Variants in MYO1F observed in about 807,000 individuals in gnomAD.
MYO1F encodes myosin IF, also known as unconventional myosin-If.
A neutral mutation model predicts 146.6 loss-of-function variants in MYO1F; 60 were observed. The ratio of observed to expected loss-of-function variants is 0.41; its 90% CI spans 0.33 to 0.51. MYO1F has a LOEUF of 0.51. MYO1F is among the 20% of genes least tolerant of loss of function. The pLI is 0.25. For missense variants in MYO1F, 1,274 were observed against 1,534.3 expected (o/e 0.83, Z 2.83); for synonymous variants, 602 against 602.1 (o/e 1.00, Z 0.00).
intron 1 of MYO1F, among the ~76,000 whole-genome samples, chr19:8,565,900 G>A (rs1462567259): frequency 6.6e-6 from 1 of 151,688 alleles, no homozygotes; most frequent in African/African-American, 2.4e-5. Context: ...ACCAGCCTGG[G>A]CAACATAGTG....
chr19:8,550,384 T>G (rs2303686), intron 9 of MYO1F, 28 bp from the exon 10 acceptor site: 1 of 1,598,322 alleles, frequency 6.3e-7, no homozygotes, highest in South Asian at 1.1e-5. Context: ...AGGGCAAAAA[T>G]GGGACAGTTG....
rs1973764744 is a variant in MYO1F, at chr19:8,554,584, G to A, written c.232-13C>T. On this transcript the variant is annotated splice_polypyrimidine_tract_variant and intron_variant, in intron 3 of 27. Transcript: ENST00000644032. ...TCTCATACTGGGCCTGGCAGGGGAGGTCAGGTCTCAGCCCAGGGCTGGGGG... is the reference window on the plus strand; with the variant it reads ...TCTCATACTGGGCCTGGCAGGGGAGATCAGGTCTCAGCCCAGGGCTGGGGG... 2.5e-6 allele frequency: 4 copies of A among 1,611,966 alleles called. No homozygotes were observed. The highest frequency in any genetic ancestry group is 3.4e-6 in the Non-Finnish European group (4 of 1,178,202).
chr19:8,574,530 C>CCTTTCTTTCTTT lies in MYO1F; in HGVS notation c.3+2765_3+2776dup, dbSNP rs1183292416. 1.9e-3 allele frequency among the ~76,000 whole-genome samples: 231 copies of CCTTTCTTTCTTT among 119,030 alleles called. 3 individuals are homozygous for CCTTTCTTTCTTT. Among genetic ancestry groups the CCTTTCTTTCTTT allele is most frequent in the East Asian group, 4.0e-3 (17 of 4,208 alleles). The allele number at this position is 119,030 out of a possible 152,430, so 78.1% of individuals were successfully genotyped here. ...CTTTTCCTTTATTTCTTCTTTTTTC[C>CCTTTCTTTCTTT]CTTTCTTTCTTTCTTTCTTTCTTTC... On this transcript the variant is annotated intron_variant, in intron 1 of 27. Transcript: ENST00000644032.
intron 1 of MYO1F, among the ~76,000 whole-genome samples, chr19:8,557,519 T>C (rs945916608): frequency 6.6e-6 from 1 of 152,050 alleles, no homozygotes; most frequent in East Asian, 1.9e-4. Context: ...CCCTGGCTGG[T>C]CTTGAACTCC....
intron 1 of MYO1F, among the ~76,000 whole-genome samples, chr19:8,566,835 A>G (rs1052589274): frequency 3.2e-4 from 49 of 151,432 alleles, no homozygotes; most frequent in Non-Finnish European, 5.0e-4. Flanking sequence ...TAATATATAT[A>G]TTAAATAATA....
Position 8,550,280 on chromosome 19 carries a change from G to C in MYO1F, c.981C>G (p.Asp327Glu). ...LQEKLTSRKM[D>E]SRWGGRSESI... ...ACTCGCTGCGCCCGCCCCAGCGGCT[G>C]TCCATCTTGCGGCTGGTCAGCTTCT... The change falls in exon 10 of 28, where the codon GAC (aspartate) becomes GAG (glutamate). Residue 327 changes from aspartate (D) to glutamate (E), a missense_variant. Asp to Glu is a conservative substitution (Grantham distance 45). Around this residue, in one of 2 missense-constraint regions of MYO1F, gnomAD observed 900 missense variants for 1,155.1 expected, o/e 0.78. Coordinates refer to ENST00000644032, the MANE Select transcript of MYO1F (RefSeq NM_012335.4). The C allele has an allele frequency of 2.5e-6, 4 of 1,614,202 alleles. No homozygotes were observed. The highest frequency in any genetic ancestry group is 2.5e-6 in the Non-Finnish European group (3 of 1,180,052).
At chr19:8,543,897 CTGG>C (rs1203381495) in intron 14 of MYO1F, among the ~76,000 whole-genome samples, 244 of 10,984 alleles carry the variant, frequency 0.022, 8 homozygotes, top group Non-Finnish European at 0.023. Context: ...GGTGGTGGTG[CTGG>C]TGGTGGTGGT....
chr19:8,552,407 C>T (rs904712829), intron 6 of MYO1F, among the ~76,000 whole-genome samples: 18 of 152,020 alleles, frequency 1.2e-4, no homozygotes, highest in African/African-American at 2.7e-4. Context: ...TACAGGCACC[C>T]GCCACCATGC....
rs1468854004 is a variant in MYO1F, at chr19:8,543,754, T to C, written c.1524+543A>G. On this transcript the variant is annotated intron_variant, in intron 14 of 27. Coordinates refer to ENST00000644032, the MANE Select transcript of MYO1F (RefSeq NM_012335.4). Reference sequence around the variant, plus strand: ...GTGGTGCTGGTGGTGCTGGTGGTGGTGGTGGTGGTGGTGCTGGTGGTGCTG... The same window carrying C: ...GTGGTGCTGGTGGTGCTGGTGGTGGCGGTGGTGGTGGTGCTGGTGGTGCTG... Among the ~76,000 whole-genome samples, 5 of 9,424 alleles carry C rather than the reference T, an allele frequency of 5.3e-4. 1 individual carries two copies. The highest frequency in any genetic ancestry group is 1.2e-3 in the African/African-American group (2 of 1,676). 6.2% of individuals were successfully genotyped at this position (9,424 alleles called of 152,430 possible).
chr19:8,556,089 C>T (rs942956914), intron 1 of MYO1F, among the ~76,000 whole-genome samples: 2 of 151,506 alleles, frequency 1.3e-5, no homozygotes, highest in Non-Finnish European at 2.9e-5. Flanking sequence ...GGTGCAGTGG[C>T]GTGATCTCTG....
Position 8,577,188 on chromosome 19 carries a change from A to C in MYO1F, c.3+119T>G. 8.2e-7 allele frequency: 1 copy of C among 1,223,194 alleles called. No homozygotes were observed. Among genetic ancestry groups the C allele is most frequent in the Non-Finnish European group, 1.2e-6 (1 of 848,810 alleles). 75.8% of individuals were successfully genotyped at this position (1,223,194 alleles called of 1,614,324 possible). On this transcript the variant is annotated intron_variant, in intron 1 of 27. Coordinates refer to ENST00000644032, the MANE Select transcript of MYO1F (RefSeq NM_012335.4). The surrounding 1 kb of genome is among the most constrained non-coding windows in gnomAD (Gnocchi z 4.3). Reference sequence around the variant, plus strand: ...CTGCACTGAGAGACACCCCACCCCCACAGAAGTCCACCATGCCCCTCCCCT... The same window carrying C: ...CTGCACTGAGAGACACCCCACCCCCCCAGAAGTCCACCATGCCCCTCCCCT...
Position 8,526,594 on chromosome 19 carries a change from A to T in MYO1F, c.2629T>A (p.Phe877Ile). Residue 877 changes from phenylalanine to isoleucine, a missense_variant, in exon 24 of 28, where the codon TTT becomes ATT. Physicochemically the swap from Phe to Ile is conservative, Grantham distance 21 (BLOSUM62 0). This residue lies in a region of MYO1F where 374 missense variants were observed against 379.2 expected (regional missense o/e 0.99). Coordinates refer to ENST00000644032, the MANE Select transcript of MYO1F (RefSeq NM_012335.4). ...LPLTFSDTLQ[F>I]RVKKEGWGGG... is the part of the protein sequence containing the mutation. ...CCCCAGCCCTCCTTCTTCACCCGAA[A>T]CTGTAGTCTATGGGGAGAGAAGAAA... is the stretch of plus-strand genomic sequence containing the variant. The T allele has an allele frequency of 6.3e-7, 1 of 1,595,532 alleles. No individual in the cohort carries two copies. The highest frequency in any genetic ancestry group is 8.5e-7 in the Non-Finnish European group (1 of 1,173,296).
intron 16 of MYO1F, among the ~76,000 whole-genome samples, chr19:8,538,571 T>C (rs1972826669): frequency 6.6e-6 from 1 of 151,036 alleles, no homozygotes; most frequent in Non-Finnish European, 1.5e-5. Context: ...TGTGAGCCAT[T>C]GCTCCCGGTC....
rs185270138 is a variant in MYO1F at position 8,526,413 on chromosome 19, C to G, written c.2770+40G>C. ...CTTCGTCCACTCTTAACCAGCCTCG[C>G]TGGCCCCGCCCCCTCTGCCCTAGTT... is the stretch of plus-strand genomic sequence containing the variant. On this transcript the variant is annotated intron_variant, in intron 24 of 27. Coordinates refer to ENST00000644032, the MANE Select transcript of MYO1F (RefSeq NM_012335.4). 840 of 1,547,872 alleles carry G rather than the reference C, an allele frequency of 5.4e-4. 7 individuals are homozygous for G. The African/African-American group carries it at 0.01, about 19-fold the overall frequency.
At position 8,536,281 on chromosome 19, in the gene MYO1F, T is replaced by C. The variant is rs758642752; in HGVS notation, c.2014A>G (p.Thr672Ala). 6 of 1,607,436 alleles carry C rather than the reference T, an allele frequency of 3.7e-6. No homozygotes were observed. The highest frequency in any genetic ancestry group is 2.2e-5 in the East Asian group (1 of 44,828). Reference sequence around the variant, plus strand: ...TCTGGGTTCTTGACAAAGACCTTGGTGCTCCCCATCTGGTACTGGTCGGGC... The same window carrying C: ...TCTGGGTTCTTGACAAAGACCTTGGCGCTCCCCATCTGGTACTGGTCGGGC... ...MEPDQYQMGS[T>A]KVFVKNPESL... Residue 672 changes from threonine (T) to alanine (A), a missense_variant, in exon 19 of 28, where the codon ACC becomes GCC. Thr to Ala is a moderately conservative substitution (Grantham distance 58, BLOSUM62 0). Transcript: ENST00000644032.
At chr19:8,572,615 C>T (rs140378548) in intron 1 of MYO1F, among the ~76,000 whole-genome samples, 192 of 152,240 alleles carry the variant, frequency 1.3e-3, no homozygotes, top group African/African-American at 4.3e-3. Flanking sequence ...CCTTTTGACT[C>T]CCAGCCTTTC....
At chr19:8,553,549 G>A (rs775704886) in intron 4 of MYO1F, 112 bp from the exon 5 acceptor site, 7 of 854,842 alleles carry the variant, frequency 8.2e-6, no homozygotes, top group Non-Finnish European at 1.4e-5. Flanking sequence ...TCCGGGTACT[G>A]GGGATACTGT....
chr19:8,554,355 G>A (rs1369303015), intron 4 of MYO1F, 122 bp downstream of exon 4: 5 of 828,512 alleles, frequency 6.0e-6, no homozygotes, highest in Non-Finnish European at 1.1e-5. Context: ...ACAGAGTGAG[G>A]GCAGAGAGGG....
rs1219989873 is a variant in MYO1F, at chr19:8,532,946, ACAC to A, written c.2044-2376_2044-2374del. ...CACACACACACACACACACACACAC[ACAC>A]AATTGGGCTTTATTTAGAAAAATTA... On this transcript the variant is annotated intron_variant, in intron 19 of 27. Transcript: ENST00000644032. Among the ~76,000 whole-genome samples, 30 of 145,402 alleles carry A rather than the reference ACAC, an allele frequency of 2.1e-4. No individual in the cohort carries two copies. The East Asian group carries it at 3.2e-3, about 15-fold the overall frequency.
Sources: allele counts gnomAD v4.1 joint callset (sites outside exome capture counted in the v4.1 genomes callset), GRCh38; gene constraint gnomAD v4.1.1; regional missense constraint gnomAD v4.1.1; non-coding constraint Gnocchi (gnomAD v3.1); transcripts MANE v1.5; gene names NCBI Gene and HGNC (gene_info 2026-07-23, HGNC 2026-07-21).